The following BCAS4 variants were observed in gnomAD, a reference collection of about 807,000 sequenced individuals.
BCAS4 encodes breast carcinoma amplified sequence 4.
BCAS4 carries 9 observed loss-of-function variants against 15.7 expected under a neutral mutation model. The ratio of observed to expected loss-of-function variants is 0.57; its 90% CI spans 0.34 to 1.00. BCAS4 has a LOEUF of 1.00. Among genes scored for constraint, BCAS4 ranks in the 50% least tolerant of loss-of-function variants. The pLI is 0.02. For missense variants in BCAS4, 225 were observed against 239.1 expected, an observed-to-expected ratio of 0.94 and a Z score of 0.39; for synonymous variants, 101 against 99.5, an observed-to-expected ratio of 1.02 and a Z score of -0.09.
At chr20:50,803,234 G>C (rs2087949572) in intron 1 of BCAS4, among the ~76,000 whole-genome samples, 1 of 152,198 alleles carries the variant, frequency 6.6e-6, no homozygotes, top group Non-Finnish European at 1.5e-5. Flanking sequence ...CATCAGTGCG[G>C]GCCAGTGCCA....
At chr20:50,871,729 G>A (rs1423572014) in intron 4 of BCAS4, among the ~76,000 whole-genome samples, 2 of 152,222 alleles carry the variant, frequency 1.3e-5, no homozygotes, top group Non-Finnish European at 2.9e-5. Flanking sequence ...GCGGGCCCCT[G>A]GTGGGGTGGC....
chr20:50,814,089 T>A (rs916082614), intron 1 of BCAS4, among the ~76,000 whole-genome samples: 4 of 152,124 alleles, frequency 2.6e-5, no homozygotes, highest in Non-Finnish European at 5.9e-5. Context: ...GTGGGCATGG[T>A]GGGCTGGCTT....
chr20:50,839,050 G>A (rs988023095), intron 3 of BCAS4, among the ~76,000 whole-genome samples: 2 of 152,182 alleles, frequency 1.3e-5, no homozygotes, highest in African/African-American at 4.8e-5. Flanking sequence ...CAGGTCTTGG[G>A]AGGACTGCAT....
At chr20:50,807,716 G>A (rs1037015074) in intron 1 of BCAS4, among the ~76,000 whole-genome samples, 1 of 151,962 alleles carries the variant, frequency 6.6e-6, no homozygotes, top group Non-Finnish European at 1.5e-5. Context: ...TTATGCCTTT[G>A]CGTCCTCATA....
At chr20:50,848,127 G>A (rs901680588) in intron 4 of BCAS4, among the ~76,000 whole-genome samples, 5 of 151,540 alleles carry the variant, frequency 3.3e-5, no homozygotes, top group South Asian at 2.1e-4. Flanking sequence ...ATGGTAGTGC[G>A]TGCCTGTGGT....
At chr20:50,858,445 T>C (rs6067572) in intron 4 of BCAS4, among the ~76,000 whole-genome samples, 49,429 of 151,530 alleles carry the variant, frequency 0.33, 8,704 homozygotes, top group African/African-American at 0.46. Flanking sequence ...GTACTAAAAA[T>C]AGAAAAATTA....
chr20:50,881,235 G>C (rs527961533), downstream of BCAS4: 2 of 152,008 alleles, frequency 1.3e-5, no homozygotes, highest in Non-Finnish European at 2.9e-5. Context: ...GTCTTAGAAA[G>C]TAAAATAAAA....
chr20:50,820,425 A>G (rs566871429), intron 2 of BCAS4, among the ~76,000 whole-genome samples: 1 of 152,292 alleles, frequency 6.6e-6, no homozygotes, highest in African/African-American at 2.4e-5. Flanking sequence ...AGAATTCAAC[A>G]GATGGGGAAG....
chr20:50,836,372 C>T (rs899828921), intron 3 of BCAS4, among the ~76,000 whole-genome samples: 15 of 152,182 alleles, frequency 9.9e-5, no homozygotes, highest in African/African-American at 3.6e-4. Context: ...CCCTTAGAGT[C>T]AGTTTCAAGG....
intron 4 of BCAS4, among the ~76,000 whole-genome samples, chr20:50,843,852 G>A (rs1600880116): frequency 1.3e-5 from 2 of 152,318 alleles, no homozygotes; most frequent in Non-Finnish European, 2.9e-5. Context: ...GGCTTTAAAA[G>A]CACATTTGGG....
intron 2 of BCAS4, among the ~76,000 whole-genome samples, chr20:50,828,052 A>G (rs1218417537): frequency 1.3e-5 from 2 of 151,524 alleles, no homozygotes; most frequent in Non-Finnish European, 2.9e-5. Flanking sequence ...TTTTTTTTCA[A>G]AATATGAGAT....
chr20:50,816,791 A>ATTTTTT (rs35600563), intron 1 of BCAS4, among the ~76,000 whole-genome samples: 3,162 of 80,920 alleles, frequency 0.039, 171 homozygotes, highest in Non-Finnish European at 0.046. Context: ...TGCCTGGCTA[A>ATTTTTT]TTTTTTTTTT....
At chr20:50,860,041 T>C (rs1568682236) in intron 4 of BCAS4, among the ~76,000 whole-genome samples, 1 of 152,054 alleles carries the variant, frequency 6.6e-6, no homozygotes, top group African/African-American at 2.4e-5. Flanking sequence ...GAAGCTGAGG[T>C]AGGACGATTG....
At chr20:50,854,164 C>A (rs544685440) in intron 4 of BCAS4, among the ~76,000 whole-genome samples, 1 of 152,036 alleles carries the variant, frequency 6.6e-6, no homozygotes, top group African/African-American at 2.4e-5. Flanking sequence ...TATATGAAAG[C>A]AGGAATTCTG....
chr20:50,818,114 C>A, intron 1 of BCAS4, 97 bp from the exon 2 acceptor site: 1 of 1,158,840 alleles, frequency 8.6e-7, no homozygotes, highest in African/African-American at 1.6e-5. Flanking sequence ...GCACATAATC[C>A]TAAGACTTAG....
At chr20:50,825,296 G>C (rs1156431467) in intron 2 of BCAS4, among the ~76,000 whole-genome samples, 17 of 152,086 alleles carry the variant, frequency 1.1e-4, no homozygotes. Flanking sequence ...TGCCCAGACT[G>C]GTCTTGAACT....
chr20:50,878,933 T>C (rs1397589407), downstream of BCAS4: 1 of 151,940 alleles, frequency 6.6e-6, no homozygotes, highest in Non-Finnish European at 1.5e-5. Flanking sequence ...TTCTGGTCCA[T>C]GCCCATACCC....
chr20:50,856,029 T>C (rs771083597), intron 4 of BCAS4, among the ~76,000 whole-genome samples: 1 of 152,110 alleles, frequency 6.6e-6, no homozygotes, highest in Non-Finnish European at 1.5e-5. Context: ...GCCTGGCCCA[T>C]GTGTGGCATT....
intron 3 of BCAS4, among the ~76,000 whole-genome samples, chr20:50,833,579 C>G (rs1484891933): frequency 6.6e-6 from 1 of 152,208 alleles, no homozygotes; most frequent in Non-Finnish European, 1.5e-5. Flanking sequence ...AAGATTGCCG[C>G]GTTTCAAAGC....
Sources: gnomAD v4.1 joint callset for allele counts (sites outside exome capture counted in the v4.1 genomes callset) on GRCh38, gnomAD v4.1.1 for gene constraint, MANE v1.5 for transcripts, NCBI Gene and HGNC (gene_info 2026-07-23, HGNC 2026-07-21) for gene names.